CDYL: variants seen among roughly 807,000 people sequenced by gnomAD.
CDYL encodes the protein chromodomain Y like, also known as chromodomain Y-like protein.
Under a neutral mutation model 47.3 loss-of-function variants are expected in CDYL, and 8 were observed. The observed-to-expected ratio is 0.17, with a 90% CI of 0.10 to 0.31. CDYL has a LOEUF of 0.31. Ranked by LOEUF, CDYL falls within the 10% of genes least tolerant of loss-of-function variation. The pLI, the probability that CDYL is intolerant of heterozygous loss-of-function variation, is 1.00. For missense variants in CDYL, 471 were observed against 701.4 expected (o/e 0.67, Z 3.71); for synonymous variants, 266 against 265.0 (o/e 1.00, Z -0.04).
chr6:4,950,551 G>A (rs1758666107), intron 5 of CDYL, among the ~76,000 whole-genome samples: 1 of 152,144 alleles, frequency 6.6e-6, no homozygotes, highest in Admixed American at 6.5e-5. Flanking sequence ...CAGTAAGGTC[G>A]GGTCGCGTTT....
chr6:4,755,020 C>T (rs1405682910), intron 3 of CDYL, among the ~76,000 whole-genome samples: 1 of 151,144 alleles, frequency 6.6e-6, no homozygotes, highest in African/African-American at 2.4e-5. Flanking sequence ...AAGCCTTTGT[C>T]CTGTTTGTTG....
At chr6:4,717,796 T>C (rs1797555588) in intron 2 of CDYL, among the ~76,000 whole-genome samples, 1 of 151,728 alleles carries the variant, frequency 6.6e-6, no homozygotes, top group African/African-American at 2.4e-5. Flanking sequence ...TTTTTGTTGT[T>C]TTCTTATTTT....
intron 3 of CDYL, among the ~76,000 whole-genome samples, chr6:4,936,782 T>G (rs910959397): frequency 5.9e-5 from 9 of 152,306 alleles, no homozygotes; most frequent in Admixed American, 5.9e-4. Flanking sequence ...CTGTCCAAAC[T>G]GGAGAAATGC....
intron 5 of CDYL, among the ~76,000 whole-genome samples, chr6:4,950,039 G>T (rs1269892355): frequency 2.0e-5 from 3 of 152,176 alleles, no homozygotes; most frequent in African/African-American, 7.2e-5. Context: ...AGGAAGACCG[G>T]CCGCAATGAG....
intron 2 of CDYL, among the ~76,000 whole-genome samples, chr6:4,730,136 T>C (rs967937543): frequency 1.3e-5 from 2 of 152,180 alleles, no homozygotes; most frequent in African/African-American, 4.8e-5. Context: ...AGCCTGAGAT[T>C]ACAAACCTTT....
At chr6:4,865,283 G>T (rs528834921) in intron 1 of CDYL, among the ~76,000 whole-genome samples, 2 of 152,014 alleles carry the variant, frequency 1.3e-5, no homozygotes, top group Non-Finnish European at 2.9e-5. Context: ...TACTCATCCC[G>T]CCACTCGGGC....
chr6:4,940,958 T>C (rs1758344894), intron 4 of CDYL, among the ~76,000 whole-genome samples: 1 of 152,212 alleles, frequency 6.6e-6, no homozygotes, highest in South Asian at 2.1e-4. Context: ...GCTGCCTCCT[T>C]CTCCCCAAAC....
At chr6:4,864,360 C>A (rs7743343) in intron 1 of CDYL, among the ~76,000 whole-genome samples, 1 of 152,104 alleles carries the variant, frequency 6.6e-6, no homozygotes, top group East Asian at 1.9e-4. Flanking sequence ...AACAGTAATA[C>A]TGATTTTGAT....
chr6:4,889,709 T>G (rs867460981), intron 1 of CDYL, among the ~76,000 whole-genome samples: 3 of 152,220 alleles, frequency 2.0e-5, no homozygotes, highest in African/African-American at 7.2e-5. Flanking sequence ...GTTAAGTGAT[T>G]GGGAGACCAG....
At chr6:4,894,851 G>GTGTGTGTGTGTGTGTGTGTA (rs1561692179) in intron 2 of CDYL, among the ~76,000 whole-genome samples, 1 of 104,348 alleles carries the variant, frequency 9.6e-6, no homozygotes, top group African/African-American at 3.6e-5. Flanking sequence ...GTGTGTGTGT[G>GTGTGTGTGTGTGTGTGTGTA]TGTGTATATG....
At chr6:4,942,263 A>G (rs1209499425) in intron 4 of CDYL, among the ~76,000 whole-genome samples, 3 of 152,098 alleles carry the variant, frequency 2.0e-5, no homozygotes, top group Admixed American at 2.0e-4. Context: ...AAACTCTGCA[A>G]TTCCTCACTC....
At chr6:4,858,926 A>C (rs1761088093) in intron 1 of CDYL, among the ~76,000 whole-genome samples, 1 of 152,230 alleles carries the variant, frequency 6.6e-6, no homozygotes, top group South Asian at 2.1e-4. Flanking sequence ...TTGCCACATA[A>C]ACACTGGGCC....
chr6:4,718,313 T>C (rs527445510), intron 2 of CDYL, among the ~76,000 whole-genome samples: 6 of 152,288 alleles, frequency 3.9e-5, no homozygotes, highest in Non-Finnish European at 8.8e-5. Context: ...TGGTTGTTTT[T>C]TGTTGCCCAA....
At chr6:4,945,858 C>T (rs576845969) in intron 5 of CDYL, among the ~76,000 whole-genome samples, 1 of 152,346 alleles carries the variant, frequency 6.6e-6, no homozygotes, top group South Asian at 2.1e-4. Flanking sequence ...GTGTTCTGGT[C>T]ACAACGCACC....
chr6:4,860,640 T>C (rs957780089), intron 1 of CDYL, among the ~76,000 whole-genome samples: 13 of 147,708 alleles, frequency 8.8e-5, no homozygotes, highest in Non-Finnish European at 1.9e-4. Context: ...GTATATTATA[T>C]AATATATAAA....
Position 4,836,314 on chromosome 6 carries a change from TTTTAA to T in CDYL, c.25-55396_25-55392del. 4.2e-6 allele frequency: 4 copies of T among 953,486 alleles called. No individual in the cohort carries two copies. In the South Asian group the frequency reaches 1.9e-4, roughly 46 times the overall value. The allele number at this position is 953,486 out of a possible 1,614,324, so 59.1% of individuals were successfully genotyped here. On this transcript the variant is annotated intron_variant, in intron 1 of 6. Coordinates refer to ENST00000397588, the MANE Select transcript of CDYL (RefSeq NM_004824.4). ...AAGTTGCATAGAACCAAAAAGTGAG[TTTTAA>T]TTATTTATTTTATACGTGTGCTTTC...
intron 2 of CDYL, among the ~76,000 whole-genome samples, chr6:4,909,056 C>G (rs1378865858): frequency 6.6e-6 from 1 of 152,218 alleles, no homozygotes; most frequent in African/African-American, 2.4e-5. Context: ...CACACCGTGC[C>G]TTGGGGGGCC....
At chr6:4,823,433 C>T (rs1045416957) in intron 1 of CDYL, among the ~76,000 whole-genome samples, 1 of 152,232 alleles carries the variant, frequency 6.6e-6, no homozygotes, top group African/African-American at 2.4e-5. Flanking sequence ...GGCATTCATG[C>T]ATGCCTTCCA....
intron 2 of CDYL, among the ~76,000 whole-genome samples, chr6:4,909,621 G>A (rs1352582452): frequency 6.6e-6 from 1 of 152,122 alleles, no homozygotes; most frequent in Non-Finnish European, 1.5e-5. Flanking sequence ...CCAAGCTGGA[G>A]TGCAGTAGCA....
Sources: allele counts gnomAD v4.1 joint callset (sites outside exome capture counted in the v4.1 genomes callset), GRCh38; gene constraint gnomAD v4.1.1; transcripts MANE v1.5; gene names NCBI Gene and HGNC (gene_info 2026-07-23, HGNC 2026-07-21).